Variants in EGFR observed in about 807,000 individuals in gnomAD.
The protein encoded by EGFR is avian erythroblastic leukemia viral (v-erb-b) oncogene homolog.
In EGFR, 58 loss-of-function variants were observed where a neutral mutation model predicts 143.0. That is an observed-to-expected ratio of 0.41 (90% CI 0.33 to 0.50). EGFR has a LOEUF of 0.50. EGFR is among the 20% of genes least tolerant of loss of function. The pLI, the probability that EGFR is intolerant of heterozygous loss-of-function variation, is 0.39. For missense variants in EGFR, 1,307 were observed against 1,579.0 expected, an observed-to-expected ratio of 0.83 and a Z score of 2.92; for synonymous variants, 613 against 594.4, an observed-to-expected ratio of 1.03 and a Z score of -0.45.
At chr7:55,153,871 T>C in intron 6 of EGFR, 140 bp from the exon 7 acceptor site, 2 of 1,351,564 alleles carry the variant, frequency 1.5e-6, no homozygotes, top group South Asian at 1.3e-5. Flanking sequence ...AGCTGGGTTT[T>C]CCCACACTAG....
chr7:55,065,546 A>G (rs1789443457), intron 1 of EGFR, among the ~76,000 whole-genome samples: 1 of 152,232 alleles, frequency 6.6e-6, no homozygotes, highest in Non-Finnish European at 1.5e-5. Flanking sequence ...CCAGTTTCCC[A>G]TTTTCAAGAG....
intron 1 of EGFR, among the ~76,000 whole-genome samples, chr7:55,061,610 G>A (rs1282790516): frequency 7.6e-6 from 1 of 131,974 alleles, no homozygotes; most frequent in Non-Finnish European, 1.6e-5. Context: ...CGGTCTCCAG[G>A]GATGTGTGTG....
At chr7:55,110,696 G>A (rs1191352304) in intron 1 of EGFR, among the ~76,000 whole-genome samples, 4 of 152,158 alleles carry the variant, frequency 2.6e-5, no homozygotes, top group African/African-American at 7.2e-5. Flanking sequence ...GTTCGGATCC[G>A]GAAGTAGAAT....
chr7:55,147,438 G>C (rs574837090), intron 4 of EGFR, among the ~76,000 whole-genome samples: 1 of 151,528 alleles, frequency 6.6e-6, no homozygotes, highest in East Asian at 2.0e-4. Context: ...AGTAAGAAGT[G>C]ATCACCATTT....
At chr7:55,164,126 G>A (rs1292677208) in intron 14 of EGFR, among the ~76,000 whole-genome samples, 1 of 152,214 alleles carries the variant, frequency 6.6e-6, no homozygotes, top group Non-Finnish European at 1.5e-5. Flanking sequence ...GACCTAGTCA[G>A]CATTGCTTTA....
intron 13 of EGFR, among the ~76,000 whole-genome samples, chr7:55,161,862 A>G (rs1562772497): frequency 1.3e-5 from 2 of 152,212 alleles, no homozygotes. Context: ...ATATAATCCA[A>G]TAATTTATAG....
At chr7:55,103,869 C>T (rs1791966260) in intron 1 of EGFR, among the ~76,000 whole-genome samples, 1 of 152,204 alleles carries the variant, frequency 6.6e-6, no homozygotes, top group Admixed American at 6.5e-5. Flanking sequence ...ATAAAGGATG[C>T]TGCATAGAAG....
At chr7:55,173,843 C>G (rs1786468016) in intron 17 of EGFR, 78 bp from the exon 18 acceptor site, 1 of 1,612,214 alleles carries the variant, frequency 6.2e-7, no homozygotes, top group Non-Finnish European at 8.5e-7. Flanking sequence ...GGTCCCCCTG[C>G]TGGGCCATGT....
At position 55,205,825 on chromosome 7, in the gene EGFR, G is replaced by C; in HGVS notation, c.*208G>C. On this transcript the variant is annotated 3_prime_UTR_variant, in exon 28 of 28. Coordinates refer to ENST00000275493, the MANE Select transcript of EGFR (RefSeq NM_005228.5). ...CATTCCTTTGTCTTCAAACTGTGAA[G>C]CATTTACAGAAACGCATCCAGCAAG... 1.5e-6 allele frequency: 1 copy of C among 663,666 alleles called. No individual in the cohort carries two copies. The allele number at this position is 663,666 out of a possible 1,614,324, so 41.1% of individuals were successfully genotyped here.
chr7:55,173,992 A>G lies in EGFR; in HGVS notation c.2133A>G (p.Glu711=), dbSNP rs2128953665. The G allele has an allele frequency of 1.2e-6, 2 of 1,614,246 alleles. No individual in the cohort carries two copies. The highest frequency in any genetic ancestry group is 8.5e-7 in the Non-Finnish European group (1 of 1,180,046). The change falls in exon 18 of 28, where the codon GAA becomes GAG. Residue 711 remains glutamate, a synonymous_variant. Coordinates refer to ENST00000275493, the MANE Select transcript of EGFR (RefSeq NM_005228.5). ...TCTTGAGGATCTTGAAGGAAACTGA[A>G]TTCAAAAAGATCAAAGTGCTGGGCT... is the stretch of plus-strand genomic sequence containing the variant. ...QALLRILKET[E]FKKIKVLGSG...
rs1373652376 is a variant in EGFR, at chr7:55,163,843, ATCCACG to A, written c.1722+25_1722+30del. 2.0e-5 allele frequency: 32 copies of A among 1,613,116 alleles called. No homozygotes were observed. Among genetic ancestry groups the A allele is most frequent in the Non-Finnish European group, 2.7e-5 (32 of 1,179,292 alleles). On this transcript the variant is annotated intron_variant, in intron 14 of 27. Coordinates refer to ENST00000275493, the MANE Select transcript of EGFR (RefSeq NM_005228.5). ...GGACGGGTAAGAGCCCCTTGCTGCT[ATCCACG>A]TCCATTTCATGGGAAGGGCCTTCAC...
At chr7:55,095,103 G>A (rs2128896912) in intron 1 of EGFR, among the ~76,000 whole-genome samples, 1 of 152,292 alleles carries the variant, frequency 6.6e-6, no homozygotes, top group Non-Finnish European at 1.5e-5. Flanking sequence ...CCTGACGCTA[G>A]CACAGCTCAT....
At position 55,201,796 on chromosome 7, in the gene EGFR, C is replaced by A. The variant is rs2128972576; in HGVS notation, c.3162+14C>A. On this transcript the variant is annotated intron_variant, in intron 26 of 27. Coordinates refer to ENST00000275493, the MANE Select transcript of EGFR (RefSeq NM_005228.5). Reference sequence around the variant, plus strand: ...GATAGAAATGGGGTATGTATGAACACCTTATAAGCCAGAATTTACAGCTCT... The same window carrying A: ...GATAGAAATGGGGTATGTATGAACAACTTATAAGCCAGAATTTACAGCTCT... 3 of 1,613,996 alleles carry A rather than the reference C, an allele frequency of 1.9e-6. No individual in the cohort carries two copies. Among genetic ancestry groups the A allele is most frequent in the South Asian group, 1.1e-5 (1 of 91,074 alleles).
chr7:55,148,385 C>T (rs1354122207), intron 4 of EGFR, among the ~76,000 whole-genome samples: 1 of 151,736 alleles, frequency 6.6e-6, no homozygotes, highest in Non-Finnish European at 1.5e-5. Context: ...GTGGGAAAGA[C>T]CCACAGAGAA....
At chr7:55,033,268 C>A (rs940947535) in intron 1 of EGFR, among the ~76,000 whole-genome samples, 1 of 152,072 alleles carries the variant, frequency 6.6e-6, no homozygotes. Context: ...AGCAAATGTA[C>A]CGAAAAAATC....
intron 1 of EGFR, among the ~76,000 whole-genome samples, chr7:55,111,936 AT>A (rs1353445289): frequency 6.6e-6 from 1 of 152,096 alleles, no homozygotes; most frequent in East Asian, 1.9e-4. Context: ...CACCTGACGG[AT>A]GGCTGATGTG....
At position 55,086,519 on chromosome 7, in the gene EGFR, C is replaced by T. The variant is rs2128892587; in HGVS notation, c.89-55767C>T. ...TGTTTTAATTTGAGCTGCAGGGTGACTTTTTTTCTTCTATGCTTTCATCTC... is the reference window on the plus strand; with the variant it reads ...TGTTTTAATTTGAGCTGCAGGGTGATTTTTTTTCTTCTATGCTTTCATCTC... On this transcript the variant is annotated intron_variant, in intron 1 of 27. Coordinates refer to ENST00000275493, the MANE Select transcript of EGFR (RefSeq NM_005228.5). 2.0e-5 allele frequency among the ~76,000 whole-genome samples: 3 copies of T among 152,296 alleles called. No homozygotes were observed. The South Asian group carries it at 6.2e-4, about 32-fold the overall frequency.
At chr7:55,081,533 A>G (rs1420618664) in intron 1 of EGFR, among the ~76,000 whole-genome samples, 1 of 152,190 alleles carries the variant, frequency 6.6e-6, no homozygotes, top group Non-Finnish European at 1.5e-5. Flanking sequence ...GCCACCTGCC[A>G]TCGTGCAGAG....
In EGFR at chr7:55,172,254, G is replaced by A. The variant is rs150389460; in HGVS notation, c.1920-729G>A. Among the ~76,000 whole-genome samples, 806 of 152,186 alleles carry A rather than the reference G, an allele frequency of 5.3e-3. 1 individual carries two copies. The highest frequency in any genetic ancestry group is 8.5e-3 in the Non-Finnish European group (580 of 68,022). On this transcript the variant is annotated intron_variant, in intron 16 of 27. Coordinates refer to ENST00000275493, the MANE Select transcript of EGFR (RefSeq NM_005228.5). ...CTCTTGTGGCGCCCTATGGATATGC[G>A]CTCCATAGCAAATGATTCTTTATAT...
Sources: gnomAD v4.1 joint callset for allele counts (sites outside exome capture counted in the v4.1 genomes callset) on GRCh38, gnomAD v4.1.1 for gene constraint, MANE v1.5 for transcripts, NCBI Gene and HGNC (gene_info 2026-07-23, HGNC 2026-07-21) for gene names.